Variants in RBM33 observed in about 807,000 individuals in gnomAD.
RBM33 encodes RNA binding motif protein 33.
In RBM33, 28 loss-of-function variants were observed where a neutral mutation model predicts 132.6. The ratio of observed to expected loss-of-function variants is 0.21; its 90% CI spans 0.16 to 0.29. The LOEUF is 0.29. Among genes scored for constraint, RBM33 ranks in the 10% least tolerant of loss-of-function variants. The pLI is 1.00. For missense variants in RBM33, 1,291 were observed against 1,518.5 expected (o/e 0.85, Z 2.49); for synonymous variants, 634 against 593.0 (o/e 1.07, Z -1.01).
At chr7:155,734,648 T>C (rs1361157882) in intron 9 of RBM33, among the ~76,000 whole-genome samples, 2 of 152,164 alleles carry the variant, frequency 1.3e-5, no homozygotes, top group African/African-American at 4.8e-5. Flanking sequence ...CTAATGAATC[T>C]TACTGGTTCC....
At chr7:155,753,928 T>G (rs1033211923) in intron 14 of RBM33, among the ~76,000 whole-genome samples, 3 of 152,228 alleles carry the variant, frequency 2.0e-5, no homozygotes, top group African/African-American at 7.2e-5. Flanking sequence ...ATCACTTATT[T>G]GATAAGACGT....
At chr7:155,720,106 T>C (rs1401188299) in intron 9 of RBM33, among the ~76,000 whole-genome samples, 1 of 152,254 alleles carries the variant, frequency 6.6e-6, no homozygotes, top group Non-Finnish European at 1.5e-5. Context: ...CAAGGCAGTT[T>C]TGAACAGTTT....
At chr7:155,680,243 GA>G (rs1253155077) in intron 4 of RBM33, among the ~76,000 whole-genome samples, 1 of 152,192 alleles carries the variant, frequency 6.6e-6, no homozygotes, top group Non-Finnish European at 1.5e-5. Context: ...TAGGCTATTT[GA>G]TTTCAGTCTT....
At chr7:155,746,253 A>G (rs962474583) in intron 14 of RBM33, among the ~76,000 whole-genome samples, 1 of 152,142 alleles carries the variant, frequency 6.6e-6, no homozygotes, top group African/African-American at 2.4e-5. Flanking sequence ...CTTTAGACTC[A>G]GTGAGCAGCT....
chr7:155,658,004 C>T (rs1380591790), intron 1 of RBM33, among the ~76,000 whole-genome samples: 2 of 152,094 alleles, frequency 1.3e-5, no homozygotes, highest in Non-Finnish European at 2.9e-5. Context: ...TATTTGAGTC[C>T]TCTATATCCT....
chr7:155,743,516 C>T (rs190649977), intron 13 of RBM33, among the ~76,000 whole-genome samples: 15 of 152,208 alleles, frequency 9.9e-5, no homozygotes, highest in Non-Finnish European at 1.5e-4. Flanking sequence ...TGTAGGTCAC[C>T]GTAGTATAAA....
intron 7 of RBM33, among the ~76,000 whole-genome samples, chr7:155,708,268 GCT>G (rs951390959): frequency 6.6e-6 from 1 of 152,192 alleles, no homozygotes; most frequent in Non-Finnish European, 1.5e-5. Context: ...ACTGCTGTTT[GCT>G]TATACAGCTG....
chr7:155,672,744 CA>C (rs559042068), intron 2 of RBM33, 122 bp from the exon 3 acceptor site: 15,235 of 347,970 alleles, frequency 0.044, 186 homozygotes, highest in African/African-American at 0.11. Flanking sequence ...GGCTTTGTCT[CA>C]AAAAAAAAAA....
In RBM33 at chr7:155,745,267, A is replaced by G; in HGVS notation, c.2644A>G (p.Ser882Gly). ...NRLLVKNQDV[S>G]ISNVQPKTSN... ...ACTTCTTGTTAAAAACCAGGATGTC[A>G]GTATTTCAAACGTTCAGCCCAAAAC... The change falls in exon 14 of 18, where the codon AGT (serine) becomes GGT (glycine). Residue 882 changes from serine to glycine, a missense_variant. By Grantham distance (56) the Ser-to-Gly change is moderately conservative (BLOSUM62 0). This residue lies in a region of RBM33 where 841 missense variants were observed against 912.0 expected (regional missense o/e 0.92). Coordinates refer to ENST00000401878, the MANE Select transcript of RBM33 (RefSeq NM_053043.3). The surrounding 1 kb of genome is among the most constrained non-coding windows in gnomAD (Gnocchi z 4.1). 1 of 1,612,906 alleles carries G rather than the reference A, an allele frequency of 6.2e-7. No individual in the cohort carries two copies. Among genetic ancestry groups the G allele is most frequent in the Non-Finnish European group, 8.5e-7 (1 of 1,179,396 alleles).
At chr7:155,749,512 GTTAT>G (rs1372573474) in intron 14 of RBM33, among the ~76,000 whole-genome samples, 1 of 152,150 alleles carries the variant, frequency 6.6e-6, no homozygotes, top group Non-Finnish European at 1.5e-5. Flanking sequence ...TTTTCATGGT[GTTAT>G]TTGTTTCTTG....
At chr7:155,714,798 C>A (rs974457578) in intron 8 of RBM33, among the ~76,000 whole-genome samples, 3 of 152,098 alleles carry the variant, frequency 2.0e-5, no homozygotes, top group African/African-American at 7.2e-5. Context: ...GGTAGTAGTT[C>A]AAGTGCAGGG....
intron 8 of RBM33, among the ~76,000 whole-genome samples, chr7:155,712,239 A>G (rs986383377): frequency 6.6e-6 from 1 of 152,206 alleles, no homozygotes; most frequent in Non-Finnish European, 1.5e-5. Context: ...ACCATCTTTT[A>G]GTTGTTGTAA....
At chr7:155,680,994 C>T in intron 5 of RBM33, 86 bp downstream of exon 5, 3 of 1,096,926 alleles carry the variant, frequency 2.7e-6, no homozygotes, top group Non-Finnish European at 3.9e-6. Context: ...TATTTACCTC[C>T]CCTGGGAGGG....
In RBM33 at chr7:155,777,769, A is replaced by G. The variant is rs1285998108; in HGVS notation, c.*2728A>G. The G allele has an allele frequency of 6.6e-6, 1 of 152,652 alleles. No individual in the cohort carries two copies. The highest frequency in any genetic ancestry group is 2.4e-5 in the African/African-American group (1 of 41,452). The allele number at this position is 152,652 out of a possible 1,614,324, so 9.5% of individuals were successfully genotyped here. ...ATCAAAGTTTAATGGATACAGTTCC[A>G]CAGTTGTTGATGTGTTTGTGTGTAT... On this transcript the variant is annotated 3_prime_UTR_variant, in exon 18 of 18. Transcript: ENST00000401878.
intron 1 of RBM33, among the ~76,000 whole-genome samples, chr7:155,649,281 T>C (rs1287122943): frequency 6.6e-6 from 1 of 152,222 alleles, no homozygotes; most frequent in Non-Finnish European, 1.5e-5. Flanking sequence ...TAATTTTCTT[T>C]AGTTATTTAC....
intron 9 of RBM33, among the ~76,000 whole-genome samples, chr7:155,732,936 G>A (rs10241130): frequency 0.016 from 2,476 of 152,268 alleles, 60 homozygotes; most frequent in African/African-American, 0.055. Context: ...GGGATTCTTC[G>A]TGTTCCAGCC....
chr7:155,725,489 A>G (rs1196623389), intron 9 of RBM33, among the ~76,000 whole-genome samples: 1 of 151,912 alleles, frequency 6.6e-6, no homozygotes, highest in Non-Finnish European at 1.5e-5. Flanking sequence ...ATGAAATTGA[A>G]CTTCCATAAA....
Position 155,759,415 on chromosome 7 carries a change from C to CTTT in RBM33, c.2980-4379_2980-4377dup, listed in dbSNP as rs58449648. Among the ~76,000 whole-genome samples, 445 of 113,978 alleles carry CTTT rather than the reference C, an allele frequency of 3.9e-3. 25 individuals carry two copies. Among genetic ancestry groups the CTTT allele is most frequent in the African/African-American group, 0.015 (402 of 27,720 alleles). The allele number at this position is 113,978 out of a possible 152,430, so 74.8% of individuals were successfully genotyped here. ...TATTTATTGACTCAATGTTTATGTT[C>CTTT]TTTTTTTTTTTTTTTTTTTTGAGAT... On this transcript the variant is annotated intron_variant, in intron 14 of 17. Coordinates refer to ENST00000401878, the MANE Select transcript of RBM33 (RefSeq NM_053043.3).
chr7:155,762,155 G>A (rs965495892), intron 14 of RBM33, among the ~76,000 whole-genome samples: 3 of 152,228 alleles, frequency 2.0e-5, no homozygotes, highest in Non-Finnish European at 2.9e-5. Context: ...AGCCATGTGG[G>A]GAGAGCCCAT....
Sources: allele counts gnomAD v4.1 joint callset (sites outside exome capture counted in the v4.1 genomes callset), GRCh38; gene constraint gnomAD v4.1.1; regional missense constraint gnomAD v4.1.1; non-coding constraint Gnocchi (gnomAD v3.1); transcripts MANE v1.5; gene names NCBI Gene and HGNC (gene_info 2026-07-23, HGNC 2026-07-21).